Variants in PACRGL observed in about 807,000 individuals in gnomAD.
The protein encoded by PACRGL is parkin coregulated like, also known as PACRG-like protein.
Under a neutral mutation model 34.5 loss-of-function variants are expected in PACRGL, and 38 were observed. The ratio of observed to expected loss-of-function variants is 1.10; its 90% confidence interval spans 0.85 to 1.44. The LOEUF (loss-of-function observed/expected upper bound fraction) is 1.44, where lower values mean the gene tolerates loss of function less well. PACRGL is among the 40% of genes most tolerant of loss of function. PACRGL has a pLI of 0.00. For synonymous variants in PACRGL, 128 were observed against 100.1 expected, an observed-to-expected ratio of 1.28 and a Z score of -1.66; for missense variants, 305 against 281.4, an observed-to-expected ratio of 1.08 and a Z score of -0.60.
chr4:20,703,812 AT>A (rs1360042921), intron 1 of PACRGL, among the ~76,000 whole-genome samples: 1 of 152,134 alleles, frequency 6.6e-6, no homozygotes, highest in Non-Finnish European at 1.5e-5. Flanking sequence ...GCAGACCCAT[AT>A]TTGAGCCCAA....
rs762588030 is a variant in PACRGL at position 20,704,487 on chromosome 4, G to A, written c.6G>A (p.Gln2=). The A allele has an allele frequency of 6.2e-7, 1 of 1,613,714 alleles. No homozygotes were observed. Among genetic ancestry groups the A allele is most frequent in the East Asian group, 2.2e-5 (1 of 44,842 alleles). ...GCAGGAGTGAAAGGGAAGCAATGCA[G>A]AAATCAGAGGGCTCTGGAGGTACAC... M[Q]KSEGSGGTQL... Residue 2 remains glutamine (Q), a synonymous_variant, in exon 2 of 9, where the codon CAG becomes CAA. Coordinates refer to ENST00000503585, the MANE Select transcript of PACRGL (RefSeq NM_001258345.3).
intron 7 of PACRGL, among the ~76,000 whole-genome samples, chr4:20,720,993 GT>G (rs1164102181): frequency 1.3e-5 from 2 of 152,030 alleles, no homozygotes; most frequent in African/African-American, 4.8e-5. Context: ...TTTTCACATA[GT>G]TCCATATTTC....
chr4:20,724,762 G>A (rs867659726), intron 7 of PACRGL, 46 bp from the exon 8 acceptor site: 1 of 1,161,834 alleles, frequency 8.6e-7, no homozygotes, highest in Middle Eastern at 2.0e-4. Context: ...GGTGAGCATT[G>A]TTAAGTTTAA....
chr4:20,748,561 T>A (rs1404546672), intron 8 of PACRGL, among the ~76,000 whole-genome samples: 29 of 1,128 alleles, frequency 0.026, no homozygotes, highest in East Asian at 0.038. Flanking sequence ...TTCCAAATTT[T>A]ATATATATAT....
In PACRGL at chr4:20,709,866, A is replaced by AAAT. The variant is rs1453769119; in HGVS notation, c.366+93_366+94insAAT. On this transcript the variant is annotated intron_variant, in intron 5 of 8. Coordinates refer to ENST00000503585, the MANE Select transcript of PACRGL (RefSeq NM_001258345.3). ...GTAGCTTGTCAGTAAATTTCATTCT[A>AAAT]TGCCTTTGAAAAACGAAGCACACAA... 3.8e-6 allele frequency: 4 copies of AAAT among 1,065,606 alleles called. No individual in the cohort carries two copies. In the African/African-American group the frequency reaches 4.7e-5, roughly 13 times the overall value. The allele number at this position is 1,065,606 out of a possible 1,614,324, so 66.0% of individuals were successfully genotyped here.
chr4:20,707,720 T>G, intron 3 of PACRGL, 83 bp from the exon 4 acceptor site: 1 of 1,102,274 alleles, frequency 9.1e-7, no homozygotes, highest in South Asian at 1.3e-5. Flanking sequence ...CGATACCAGC[T>G]TGGCGGTTTG....
chr4:20,701,619 G>A (rs1732200935), intron 1 of PACRGL: 1 of 288,392 alleles, frequency 3.5e-6, no homozygotes, highest in African/African-American at 2.2e-5. Context: ...TTTAAAGCTT[G>A]CTTTCACAAA....
intron 3 of PACRGL, among the ~76,000 whole-genome samples, chr4:20,707,460 G>A (rs538466341): frequency 6.6e-6 from 1 of 152,294 alleles, no homozygotes; most frequent in Admixed American, 6.5e-5. Context: ...AGTAGGAGAT[G>A]TGCAGGTGGC....
chr4:20,721,040 C>T (rs1340953043), intron 7 of PACRGL, among the ~76,000 whole-genome samples: 1 of 152,000 alleles, frequency 6.6e-6, no homozygotes, highest in Non-Finnish European at 1.5e-5. Flanking sequence ...ACTCTTTTTT[C>T]TCTAAACTTC....
intron 1 of PACRGL, among the ~76,000 whole-genome samples, chr4:20,703,390 C>T (rs1468956905): frequency 6.6e-6 from 1 of 151,954 alleles, no homozygotes; most frequent in Non-Finnish European, 1.5e-5. Flanking sequence ...TAGAAATACA[C>T]ATTTGAGAAA....
downstream of PACRGL, among the ~76,000 whole-genome samples, chr4:20,733,303 CA>C (rs1255471631): frequency 3.9e-5 from 6 of 152,092 alleles, no homozygotes; most frequent in African/African-American, 1.4e-4. Context: ...GAAGACTAGT[CA>C]AAAAATTTTG....
At chr4:20,717,985 T>C (rs1285149747) in intron 7 of PACRGL, among the ~76,000 whole-genome samples, 1 of 152,184 alleles carries the variant, frequency 6.6e-6, no homozygotes, top group Non-Finnish European at 1.5e-5. Context: ...TCTTCTTCCA[T>C]TTGTTTGTGT....
intron 8 of PACRGL, among the ~76,000 whole-genome samples, chr4:20,750,269 G>T (rs892627785): frequency 2.8e-4 from 42 of 152,060 alleles, no homozygotes; most frequent in African/African-American, 9.4e-4. Flanking sequence ...ATGAACTTAG[G>T]TCTTTCTGAC....
chr4:20,732,929 C>G (rs1350051794), downstream of PACRGL: 4 of 574,466 alleles, frequency 7.0e-6, no homozygotes, highest in East Asian at 2.9e-5. Flanking sequence ...GTTGGTTGTC[C>G]CAAAGGAAAA....
At chr4:20,748,560 T>TTATATATATATATATATA (rs3075750) in intron 8 of PACRGL, among the ~76,000 whole-genome samples, 2 of 64,910 alleles carry the variant, frequency 3.1e-5, no homozygotes, top group Admixed American at 1.6e-4. Flanking sequence ...CTTCCAAATT[T>TTATATATATATATATATA]TATATATATA....
At chr4:20,721,140 G>A (rs966572571) in intron 7 of PACRGL, among the ~76,000 whole-genome samples, 4 of 152,028 alleles carry the variant, frequency 2.6e-5, no homozygotes, top group East Asian at 1.9e-4. Context: ...TTGTGCATTC[G>A]TCATGTAGTT....
chr4:20,721,966 G>C (rs1486744929), intron 7 of PACRGL, among the ~76,000 whole-genome samples: 1 of 152,204 alleles, frequency 6.6e-6, no homozygotes, highest in African/African-American at 2.4e-5. Flanking sequence ...GCTGTGGTGG[G>C]CTCCACCCAG....
intron 7 of PACRGL, among the ~76,000 whole-genome samples, chr4:20,721,931 T>C (rs1019090043): frequency 2.6e-5 from 4 of 152,234 alleles, no homozygotes; most frequent in African/African-American, 9.6e-5. Context: ...AGGTGGAGTC[T>C]ACAGAGGCAG....
chr4:20,752,433 A>C (rs2149346647), intron 8 of PACRGL: 1 of 152,298 alleles, frequency 6.6e-6, no homozygotes, highest in South Asian at 2.1e-4. Flanking sequence ...ATACTTATTA[A>C]AATTTCAGTA....
Sources: allele counts gnomAD v4.1 joint callset (sites outside exome capture counted in the v4.1 genomes callset), GRCh38; gene constraint gnomAD v4.1.1; transcripts MANE v1.5; gene names NCBI Gene and HGNC (gene_info 2026-07-23, HGNC 2026-07-21).